PRDM5: variants seen among roughly 807,000 people sequenced by gnomAD.
The protein encoded by PRDM5 is PR domain zinc finger protein 5.
Under a neutral mutation model 81.2 loss-of-function variants are expected in PRDM5, and 56 were observed. The observed-to-expected ratio is 0.69, with a 90% CI of 0.56 to 0.86. The LOEUF (loss-of-function observed/expected upper bound fraction) is 0.86. Among genes scored for constraint, PRDM5 ranks in the 40% least tolerant of loss-of-function variants. The pLI is 0.00. For missense variants in PRDM5, 697 were observed against 770.1 expected (o/e 0.91, Z 1.12); for synonymous variants, 267 against 256.4 (o/e 1.04, Z -0.39).
chr4:120,750,603 A>G (rs1743842357), intron 14 of PRDM5, among the ~76,000 whole-genome samples: 1 of 152,048 alleles, frequency 6.6e-6, no homozygotes, highest in Admixed American at 6.5e-5. Flanking sequence ...AATCACATTA[A>G]CGGCCTAGCA....
chr4:120,798,317 G>A lies in PRDM5; in HGVS notation c.1138C>T (p.Leu380Phe). The stretch of plus-strand genomic sequence containing the variant: ...CTGTGGGCAAATCCCTTTCCACAAA[G>A]TTTGCATTTGTAAGGTTTGTCTTCG... ...HSEDKPYKCKLCGKGFAHRNV... is the reference protein window; with the variant it reads ...HSEDKPYKCKFCGKGFAHRNV... Residue 380 changes from leucine (L) to phenylalanine (F), a missense_variant, in exon 10 of 16, where the codon CTT becomes TTT. Leu to Phe is a conservative substitution (Grantham distance 22). Coordinates refer to ENST00000264808, the MANE Select transcript of PRDM5 (RefSeq NM_018699.4). The A allele has an allele frequency of 6.2e-7, 1 of 1,610,930 alleles. No individual in the cohort carries two copies. Among genetic ancestry groups the A allele is most frequent in the Non-Finnish European group, 8.5e-7 (1 of 1,178,428 alleles).
intron 3 of PRDM5, among the ~76,000 whole-genome samples, chr4:120,851,198 T>C (rs531915643): frequency 6.6e-6 from 1 of 152,242 alleles, no homozygotes; most frequent in South Asian, 2.1e-4. Context: ...CTTAAAATCA[T>C]TATTTACACC....
chr4:120,705,511 G>A (rs781740122), intron 15 of PRDM5, among the ~76,000 whole-genome samples: 1 of 152,128 alleles, frequency 6.6e-6, no homozygotes, highest in Non-Finnish European at 1.5e-5. Flanking sequence ...AGGCCAAGAT[G>A]TAGATTCAGG....
At chr4:120,910,512 A>T (rs1055283354) in intron 1 of PRDM5, among the ~76,000 whole-genome samples, 3 of 152,114 alleles carry the variant, frequency 2.0e-5, no homozygotes, top group Admixed American at 2.0e-4. Flanking sequence ...CTGTAATTAC[A>T]ATTTTATTTT....
intron 1 of PRDM5, among the ~76,000 whole-genome samples, chr4:120,911,051 G>A (rs562155364): frequency 2.0e-5 from 3 of 152,258 alleles, no homozygotes; most frequent in Admixed American, 6.5e-5. Context: ...TATCTCAAGA[G>A]TCACCACCTC....
At chr4:120,733,952 C>T (rs970757659) in intron 14 of PRDM5, among the ~76,000 whole-genome samples, 1 of 151,032 alleles carries the variant, frequency 6.6e-6, no homozygotes, top group African/African-American at 2.4e-5. Context: ...TAAAGTATGC[C>T]GATGGCAGAG....
chr4:120,861,090 CTG>C (rs1760517432), intron 2 of PRDM5, among the ~76,000 whole-genome samples: 1 of 152,190 alleles, frequency 6.6e-6, no homozygotes, highest in Non-Finnish European at 1.5e-5. Flanking sequence ...TCAGTGCAAC[CTG>C]TGTCTCCTGG....
Position 120,767,799 on chromosome 4 carries a change from C to T in PRDM5, c.1537+9389G>A, listed in dbSNP as rs139685021. On this transcript the variant is annotated intron_variant, in intron 13 of 15. Coordinates refer to ENST00000264808, the MANE Select transcript of PRDM5 (RefSeq NM_018699.4). ...ATTCCCATGTGTCATGGGAGGGACC[C>T]GGTGGGAAATAATTGAATCACAGGG... Among the ~76,000 whole-genome samples, 363 of 152,194 alleles carry T rather than the reference C, an allele frequency of 2.4e-3. 1 individual carries two copies. Among genetic ancestry groups the T allele is most frequent in the African/African-American group, 8.4e-3 (348 of 41,528 alleles).
intron 14 of PRDM5, among the ~76,000 whole-genome samples, chr4:120,732,295 A>C (rs2149086757): frequency 6.6e-6 from 1 of 152,352 alleles, no homozygotes; most frequent in African/African-American, 2.4e-5. Context: ...CATAGTATAT[A>C]ATGATCAATA....
chr4:120,781,889 G>A (rs937698759), intron 11 of PRDM5, among the ~76,000 whole-genome samples: 2 of 152,142 alleles, frequency 1.3e-5, no homozygotes, highest in African/African-American at 4.8e-5. Flanking sequence ...TGGGCAGTTG[G>A]AAAAAGTCTC....
chr4:120,743,164 A>G (rs899827898), intron 14 of PRDM5, among the ~76,000 whole-genome samples: 1 of 151,868 alleles, frequency 6.6e-6, no homozygotes, highest in African/African-American at 2.4e-5. Flanking sequence ...CCAGAATTTC[A>G]TATCCAGCCA....
At chr4:120,876,904 G>A (rs1762381568) in intron 2 of PRDM5, among the ~76,000 whole-genome samples, 1 of 152,102 alleles carries the variant, frequency 6.6e-6, no homozygotes, top group African/African-American at 2.4e-5. Context: ...GTGGGCCATG[G>A]GAGAGCAGTC....
At chr4:120,719,802 C>T (rs34709185) in intron 14 of PRDM5, among the ~76,000 whole-genome samples, 33,304 of 152,052 alleles carry the variant, frequency 0.22, 3,901 homozygotes, top group Non-Finnish European at 0.28. Context: ...CATTTTTCTC[C>T]TAAAAAGTTA....
intron 9 of PRDM5, among the ~76,000 whole-genome samples, chr4:120,799,108 AT>A (rs971010378): frequency 1.3e-5 from 2 of 152,074 alleles, no homozygotes; most frequent in Middle Eastern, 3.2e-3. Context: ...TTCAGAGCTT[AT>A]TTTTTTAATC....
chr4:120,805,395 T>TA lies in PRDM5; in HGVS notation c.946-5651dup, dbSNP rs1752767435. On this transcript the variant is annotated intron_variant, in intron 8 of 15. Coordinates refer to ENST00000264808, the MANE Select transcript of PRDM5 (RefSeq NM_018699.4). ...ATACGAAAGCCTGGCAGAGACAGAA[T>TA]AAAAAAAGAGAATTTTGGACCAATA... is the stretch of plus-strand genomic sequence containing the variant. Among the ~76,000 whole-genome samples the TA allele has an allele frequency of 3.3e-5, 5 of 151,892 alleles. No homozygotes were observed. The South Asian group carries it at 1.0e-3, about 32-fold the overall frequency.
At chr4:120,858,916 T>C (rs983404305) in intron 2 of PRDM5, among the ~76,000 whole-genome samples, 3 of 152,230 alleles carry the variant, frequency 2.0e-5, no homozygotes, top group Non-Finnish European at 2.9e-5. Context: ...AAAACCTAGA[T>C]GTCATCCAAG....
chr4:120,907,033 T>C (rs1178625888), intron 2 of PRDM5, among the ~76,000 whole-genome samples: 1 of 151,898 alleles, frequency 6.6e-6, no homozygotes, highest in Non-Finnish European at 1.5e-5. Context: ...CTGAACTTTT[T>C]TTAAAACCTA....
chr4:120,709,466 T>C (rs967660065), intron 15 of PRDM5, among the ~76,000 whole-genome samples: 1 of 152,178 alleles, frequency 6.6e-6, no homozygotes, highest in African/African-American at 2.4e-5. Context: ...TGAAGTTTCA[T>C]GGAAGGACAA....
intron 13 of PRDM5, among the ~76,000 whole-genome samples, chr4:120,755,203 C>G (rs2149156962): frequency 6.6e-6 from 1 of 152,250 alleles, no homozygotes; most frequent in Admixed American, 6.5e-5. Flanking sequence ...ATATCTCTCA[C>G]CTAGAGGCTA....
Sources: allele counts gnomAD v4.1 joint callset (sites outside exome capture counted in the v4.1 genomes callset), GRCh38; gene constraint gnomAD v4.1.1; transcripts MANE v1.5; gene names NCBI Gene and HGNC (gene_info 2026-07-23, HGNC 2026-07-21).